The following KLF16 variants were observed in gnomAD, a reference collection of about 807,000 sequenced individuals.
KLF16 encodes the protein Krueppel-like factor 16.
Under a neutral mutation model 6.1 loss-of-function variants are expected in KLF16, and 6 were observed. The observed-to-expected ratio is 0.98, with a 90% CI of 0.54 to 1.93. The LOEUF (loss-of-function observed/expected upper bound fraction) is 1.93. KLF16 is among the 30% of genes most tolerant of loss of function. The pLI, the probability that KLF16 is intolerant of heterozygous loss-of-function variation, is 0.01. For synonymous variants in KLF16, 211 were observed against 176.5 expected, an observed-to-expected ratio of 1.20 and a Z score of -1.55; for missense variants, 355 against 363.8, an observed-to-expected ratio of 0.98 and a Z score of 0.20.
At chr19:1,873,708 A>G in the KLF16 span, among the ~76,000 whole-genome samples, 1 of 152,182 alleles carries the variant, frequency 6.6e-6, no homozygotes, top group African/African-American at 2.4e-5. Context: ...AGGTGGGGAG[A>G]GCGCGCGTCC....
At chr19:1,870,136 T>G in the KLF16 span, among the ~76,000 whole-genome samples, 72 of 151,180 alleles carry the variant, frequency 4.8e-4, no homozygotes, top group African/African-American at 1.7e-3. Flanking sequence ...TTCTCCACAT[T>G]GGCCAGGCTG....
upstream of KLF16, among the ~76,000 whole-genome samples, chr19:1,865,937 G>A (rs1254272260): frequency 3.9e-5 from 6 of 152,346 alleles, no homozygotes; most frequent in African/African-American, 1.4e-4. Flanking sequence ...ACCAGGGTAG[G>A]AGGATCACTT....
At position 1,854,364 on chromosome 19, in the gene KLF16, C is replaced by T; in HGVS notation, c.*95G>A. On this transcript the variant is annotated 3_prime_UTR_variant, in exon 2 of 2. Coordinates refer to ENST00000250916, the MANE Select transcript of KLF16 (RefSeq NM_031918.4). The stretch of plus-strand genomic sequence containing the variant: ...GGGCAGGGGTGTCTTCAGGGTTTGC[C>T]CACGGCTGGAAGGGGCCCAGGCTCC... The T allele has an allele frequency of 7.4e-7, 1 of 1,343,890 alleles. No individual in the cohort carries two copies. The highest frequency in any genetic ancestry group is 3.1e-5 in the East Asian group (1 of 32,554). The allele number at this position is 1,343,890 out of a possible 1,614,324, so 83.2% of individuals were successfully genotyped here.
upstream of KLF16, among the ~76,000 whole-genome samples, chr19:1,868,062 CA>C (rs969976773): frequency 3.0e-4 from 45 of 152,022 alleles, no homozygotes; most frequent in Admixed American, 2.8e-3. Flanking sequence ...AGTACTCAAA[CA>C]TTTTTTTTTA....
the KLF16 span, among the ~76,000 whole-genome samples, chr19:1,868,720 T>C: frequency 1.3e-5 from 2 of 150,462 alleles, no homozygotes; most frequent in Non-Finnish European, 3.0e-5. Context: ...TCTCGGCTCA[T>C]TGCAAACTCC....
chr19:1,865,717 G>A (rs568340384), upstream of KLF16, among the ~76,000 whole-genome samples: 123 of 152,274 alleles, frequency 8.1e-4, no homozygotes, highest in Non-Finnish European at 1.3e-3. Flanking sequence ...CCAGGTGAGG[G>A]CACACAGCCC....
chr19:1,854,366 A>C lies in KLF16; in HGVS notation c.*93T>G. 1 of 1,345,820 alleles carries C rather than the reference A, an allele frequency of 7.4e-7. No individual in the cohort carries two copies. Among genetic ancestry groups the C allele is most frequent in the South Asian group, 1.8e-5 (1 of 54,362 alleles). 83.4% of individuals were successfully genotyped at this position (1,345,820 alleles called of 1,614,324 possible). A position where few individuals can be genotyped will look rare whatever the true frequency, so the allele number is the denominator to read the frequency against. On this transcript the variant is annotated 3_prime_UTR_variant, in exon 2 of 2. Transcript: ENST00000250916. ...GCAGGGGTGTCTTCAGGGTTTGCCC[A>C]CGGCTGGAAGGGGCCCAGGCTCCCC...
intron 1 of KLF16, among the ~76,000 whole-genome samples, chr19:1,858,615 A>G (rs186425442): frequency 5.9e-5 from 9 of 152,240 alleles, no homozygotes; most frequent in African/African-American, 2.2e-4. Flanking sequence ...CTCTGGTTCC[A>G]ACAAGAGCAA....
chr19:1,863,174 C>T lies in KLF16; in HGVS notation c.324G>A (p.Ser108=). Residue 108 remains serine (S), a synonymous_variant, in exon 1 of 2, where the codon TCG becomes TCA. Coordinates refer to ENST00000250916, the MANE Select transcript of KLF16 (RefSeq NM_031918.4). ...ASPASSSSAA[S]SPSSGRAPGA... is the part of the protein sequence containing the mutation. Reference sequence around the variant, plus strand: ...CGGGGGCGCGGCCCGAGGACGGGGACGAGGCGGCTGAGGAGGAGGAGGCGG... The same window carrying T: ...CGGGGGCGCGGCCCGAGGACGGGGATGAGGCGGCTGAGGAGGAGGAGGCGG... The T allele has an allele frequency of 8.0e-7, 1 of 1,243,342 alleles. No individual in the cohort carries two copies. The highest frequency in any genetic ancestry group is 1.0e-6 in the Non-Finnish European group (1 of 978,776). 77.0% of individuals were successfully genotyped at this position (1,243,342 alleles called of 1,614,324 possible). A position where few individuals can be genotyped will look rare whatever the true frequency, so the allele number is the denominator to read the frequency against.
At chr19:1,875,572 G>A in the KLF16 span, 1 of 152,226 alleles carries the variant, frequency 6.6e-6, no homozygotes, top group East Asian at 1.9e-4. Flanking sequence ...TCTACTCTGT[G>A]CACCTGAACA....
the KLF16 span, among the ~76,000 whole-genome samples, chr19:1,873,109 C>T: frequency 1.3e-5 from 2 of 152,230 alleles, no homozygotes; most frequent in East Asian, 3.9e-4. Context: ...TGGTCTCCAT[C>T]CTCTTCCAGA....
intron 1 of KLF16, among the ~76,000 whole-genome samples, chr19:1,859,391 A>C (rs11084912): frequency 0.3 from 45,100 of 151,598 alleles, 7,928 homozygotes; most frequent in African/African-American, 0.47. Flanking sequence ...GCACGCCTCG[A>C]TCCCTCCCAC....
chr19:1,868,784 A>C, the KLF16 span, among the ~76,000 whole-genome samples: 2 of 151,942 alleles, frequency 1.3e-5, no homozygotes, highest in African/African-American at 2.4e-5. Context: ...CCGCGATTAC[A>C]GGCATATACC....
intron 1 of KLF16, among the ~76,000 whole-genome samples, chr19:1,858,209 C>G (rs531211445): frequency 5.8e-4 from 88 of 152,308 alleles, no homozygotes; most frequent in African/African-American, 2.1e-3. Flanking sequence ...GTCCAGGCCC[C>G]ACCCTGCCCC....
chr19:1,868,280 C>A (rs1285737912), upstream of KLF16, among the ~76,000 whole-genome samples: 1 of 152,010 alleles, frequency 6.6e-6, no homozygotes, highest in Non-Finnish European at 1.5e-5. Context: ...GCAATGGGCC[C>A]CGGGACATCC....
At chr19:1,859,585 C>G (rs1333231996) in intron 1 of KLF16, among the ~76,000 whole-genome samples, 2 of 151,912 alleles carry the variant, frequency 1.3e-5, no homozygotes, top group Non-Finnish European at 2.9e-5. Context: ...CCACAGCAGA[C>G]CCCAGAGCCA....
upstream of KLF16, among the ~76,000 whole-genome samples, chr19:1,868,074 C>T (rs781535541): frequency 1.1e-4 from 16 of 151,754 alleles, no homozygotes; most frequent in Non-Finnish European, 2.2e-4. Flanking sequence ...TTTTTTTTTA[C>T]CATGTGTATT....
the KLF16 span, among the ~76,000 whole-genome samples, chr19:1,873,146 G>A: frequency 6.6e-6 from 1 of 152,228 alleles, no homozygotes. Context: ...AGGTCATGCA[G>A]AACAGAGCCA....
Position 1,854,166 on chromosome 19 carries a change from G to A in KLF16, c.*293C>T, listed in dbSNP as rs1178716711. Reference sequence around the variant, plus strand: ...GGGGGGCAGCAGGGGGTGGTGGAGAGGAGAGGGGAGGACCTCCTAGCTGCC... The same window carrying A: ...GGGGGGCAGCAGGGGGTGGTGGAGAAGAGAGGGGAGGACCTCCTAGCTGCC... On this transcript the variant is annotated 3_prime_UTR_variant, in exon 2 of 2. Coordinates refer to ENST00000250916, the MANE Select transcript of KLF16 (RefSeq NM_031918.4). 8.4e-6 allele frequency: 3 copies of A among 358,638 alleles called. No individual in the cohort carries two copies. The highest frequency in any genetic ancestry group is 6.4e-5 in the African/African-American group (3 of 46,932). 22.2% of individuals were successfully genotyped at this position (358,638 alleles called of 1,614,324 possible).
Sources: gnomAD v4.1 joint callset for allele counts (sites outside exome capture counted in the v4.1 genomes callset) on GRCh38, gnomAD v4.1.1 for gene constraint, MANE v1.5 for transcripts, NCBI Gene and HGNC (gene_info 2026-07-23, HGNC 2026-07-21) for gene names.